The following AADAT variants were observed in gnomAD, a reference collection of about 807,000 sequenced individuals.
The protein encoded by AADAT is aminoadipate aminotransferase, also known as kynurenine/alpha-aminoadipate aminotransferase, mitochondrial.
AADAT carries 25 observed loss-of-function variants against 56.2 expected under a neutral mutation model. The ratio of observed to expected loss-of-function variants is 0.44; its 90% CI spans 0.32 to 0.62. AADAT has a LOEUF of 0.62. Ranked by LOEUF, AADAT falls within the 20% of genes least tolerant of loss-of-function variation. The pLI is 0.04. For synonymous variants in AADAT, 173 were observed against 164.7 expected, an observed-to-expected ratio of 1.05 and a Z score of -0.39; for missense variants, 387 against 510.5, an observed-to-expected ratio of 0.76 and a Z score of 2.33.
intron 3 of AADAT, among the ~76,000 whole-genome samples, chr4:170,079,446 T>A (rs534141777): frequency 6.6e-6 from 1 of 152,098 alleles, no homozygotes; most frequent in Admixed American, 6.5e-5. Context: ...AAAAGATCAA[T>A]CTGGCTGCAG....
At chr4:170,089,509 C>G in intron 1 of AADAT, 115 bp downstream of exon 1, 1 of 1,114,994 alleles carries the variant, frequency 9.0e-7, no homozygotes, top group South Asian at 1.4e-5. Context: ...TCACCGCGAG[C>G]GTGCACAGGG....
chr4:170,067,519 T>C (rs946141025), intron 8 of AADAT, 131 bp from the exon 9 acceptor site: 9 of 606,518 alleles, frequency 1.5e-5, no homozygotes, highest in Middle Eastern at 3.6e-4. Context: ...CTAGCTTATA[T>C]AGTCAGTGAT....
intron 3 of AADAT, among the ~76,000 whole-genome samples, chr4:170,079,248 A>T (rs971290039): frequency 8.5e-5 from 13 of 152,236 alleles, no homozygotes; most frequent in African/African-American, 2.9e-4. Context: ...TGTACGGGGT[A>T]ACAACAGTTA....
chr4:170,089,398 G>C (rs1006208265), intron 1 of AADAT: 1 of 599,276 alleles, frequency 1.7e-6, no homozygotes, highest in African/African-American at 1.9e-5. Flanking sequence ...CTCTACTGTT[G>C]CTCCTACTCT....
In AADAT at chr4:170,061,916, T is replaced by C; in HGVS notation, c.1212A>G (p.Ser404=). 2 of 1,612,952 alleles carry C rather than the reference T, an allele frequency of 1.2e-6. No individual in the cohort carries two copies. Among genetic ancestry groups the C allele is most frequent in the Non-Finnish European group, 1.7e-6 (2 of 1,179,294 alleles). The change falls in exon 12 of 13, where the codon TCA becomes TCG. Residue 404 remains serine, a synonymous_variant. Coordinates refer to ENST00000337664, the MANE Select transcript of AADAT (RefSeq NM_016228.4). ...PSPYLRASFS[S]ASPEQMDVAF... Reference sequence around the variant, plus strand: ...CCACATCCATCTGTTCTGGAGAAGCTGAAGAGAAGGATGCTCTCAAGTAAG... The same window carrying C: ...CCACATCCATCTGTTCTGGAGAAGCCGAAGAGAAGGATGCTCTCAAGTAAG...
At chr4:170,076,565 T>C (rs769859926) in intron 4 of AADAT, among the ~76,000 whole-genome samples, 5 of 152,172 alleles carry the variant, frequency 3.3e-5, no homozygotes, top group Non-Finnish European at 7.4e-5. Context: ...TAAATTGGGT[T>C]GTTTATCTTT....
chr4:170,073,273 C>G lies in AADAT; in HGVS notation c.517G>C (p.Asp173His). Reference protein sequence around the residue: ...ESGIVPDSLRDILSRWKPEDA... With the variant: ...ESGIVPDSLRHILSRWKPEDA... ...TCTGGTTTCCATCTGGAAAGTATGTCTCTTAGGGAATCTGGAACAATCCCA... is the reference window on the plus strand; with the variant it reads ...TCTGGTTTCCATCTGGAAAGTATGTGTCTTAGGGAATCTGGAACAATCCCA... The change falls in exon 5 of 13, where the codon GAC (aspartate) becomes CAC (histidine). Residue 173 changes from aspartate (D) to histidine (H), a missense_variant. Asp to His is a moderately conservative substitution (Grantham distance 81). Coordinates refer to ENST00000337664, the MANE Select transcript of AADAT (RefSeq NM_016228.4). 2 of 1,614,040 alleles carry G rather than the reference C, an allele frequency of 1.2e-6. No homozygotes were observed.
At chr4:170,089,543 GTGGCT>G in intron 1 of AADAT, 76 bp downstream of exon 1, 1 of 1,530,300 alleles carries the variant, frequency 6.5e-7, no homozygotes, top group South Asian at 1.1e-5. Context: ...CAACCAAGCG[GTGGCT>G]TGCTAGGGAA....
chr4:170,077,086 AT>A (rs1561019404), intron 4 of AADAT, among the ~76,000 whole-genome samples: 1 of 152,104 alleles, frequency 6.6e-6, no homozygotes, highest in Non-Finnish European at 1.5e-5. Context: ...CCAGTACCAC[AT>A]TGTTTGATTA....
intron 12 of AADAT, 60 bp downstream of exon 12, chr4:170,061,832 C>T (rs574686394): frequency 6.2e-5 from 75 of 1,207,048 alleles, no homozygotes; most frequent in South Asian, 2.7e-4. Flanking sequence ...AAAGTATACA[C>T]GTGCATTAAA....
At chr4:170,072,586 C>T (rs1220002727) in intron 5 of AADAT, among the ~76,000 whole-genome samples, 1 of 152,106 alleles carries the variant, frequency 6.6e-6, no homozygotes, top group Non-Finnish European at 1.5e-5. Context: ...AGGTTGGGGA[C>T]ACAGTCAGGT....
At chr4:170,073,099 A>G (rs1358437146) in intron 5 of AADAT, 37 bp downstream of exon 5, 3 of 1,592,038 alleles carry the variant, frequency 1.9e-6, no homozygotes. Flanking sequence ...ACAGAGAAAC[A>G]GGAACACAAC....
upstream of AADAT, among the ~76,000 whole-genome samples, chr4:170,091,241 G>A (rs527295382): frequency 7.2e-5 from 11 of 152,306 alleles, no homozygotes; most frequent in African/African-American, 2.6e-4. Context: ...GGAGAGGCAC[G>A]GGCGGGAACC....
At chr4:170,087,392 T>C (rs1283071961) in intron 2 of AADAT, 144 bp from the exon 3 acceptor site, 2 of 741,466 alleles carry the variant, frequency 2.7e-6, no homozygotes, top group Admixed American at 6.7e-5. Flanking sequence ...AGTATGAATA[T>C]TCCTATTTAA....
upstream of AADAT, chr4:170,091,674 G>A (rs187055591): frequency 9.7e-4 from 148 of 152,930 alleles, no homozygotes; most frequent in Middle Eastern, 3.3e-3. Context: ...CGGCTCCACT[G>A]GGGGAAGCCA....
At chr4:170,065,672 T>A (rs1731423829) in intron 10 of AADAT, among the ~76,000 whole-genome samples, 1 of 152,102 alleles carries the variant, frequency 6.6e-6, no homozygotes, top group African/African-American at 2.4e-5. Context: ...AGCTAATTTT[T>A]ATATTTTTAG....
At chr4:170,075,653 A>T (rs751010415) in intron 4 of AADAT, among the ~76,000 whole-genome samples, 71 of 152,308 alleles carry the variant, frequency 4.7e-4, no homozygotes, top group Middle Eastern at 3.4e-3. Flanking sequence ...CATTAATTAC[A>T]TTCACAATGT....
In AADAT at chr4:170,070,671, ATTGT is replaced by A. The variant is rs746558914; in HGVS notation, c.655-23_655-20del. 1.0e-5 allele frequency: 15 copies of A among 1,453,802 alleles called. No individual in the cohort carries two copies. The African/African-American group carries it at 1.4e-4, about 14-fold the overall frequency. The allele number at this position is 1,453,802 out of a possible 1,614,324, so 90.1% of individuals were successfully genotyped here. The stretch of plus-strand genomic sequence containing the variant: ...TTGCAAGCTAAAAAAGGTTGAAGTA[ATTGT>A]TTATTTCTTAATCTATTTATTTCTT... On this transcript the variant is annotated intron_variant, in intron 5 of 12. Coordinates refer to ENST00000337664, the MANE Select transcript of AADAT (RefSeq NM_016228.4).
intron 6 of AADAT, among the ~76,000 whole-genome samples, chr4:170,069,735 T>A (rs1025059697): frequency 1.3e-5 from 2 of 152,102 alleles, no homozygotes; most frequent in African/African-American, 4.8e-5. Context: ...TAAAAGTAGC[T>A]ACAAATGAGA....
Sources: allele counts gnomAD v4.1 joint callset (sites outside exome capture counted in the v4.1 genomes callset), GRCh38; gene constraint gnomAD v4.1.1; transcripts MANE v1.5; gene names NCBI Gene and HGNC (gene_info 2026-07-23, HGNC 2026-07-21).